TBX15: variants seen among roughly 807,000 people sequenced by gnomAD.
The protein encoded by TBX15 is T-box transcription factor 15.
A neutral mutation model predicts 53.9 loss-of-function variants in TBX15; 18 were observed. That is an observed-to-expected ratio of 0.33 (90% CI 0.23 to 0.49). The LOEUF (loss-of-function observed/expected upper bound fraction) is 0.49. TBX15 is among the 20% of genes least tolerant of loss of function. The pLI is 0.98. For missense variants in TBX15, 692 were observed against 749.5 expected, an observed-to-expected ratio of 0.92 and a Z score of 0.90; for synonymous variants, 295 against 278.0, an observed-to-expected ratio of 1.06 and a Z score of -0.61.
At chr1:118,983,693 G>C (rs1317073098) in intron 1 of TBX15, among the ~76,000 whole-genome samples, 1 of 152,158 alleles carries the variant, frequency 6.6e-6, no homozygotes, top group Admixed American at 6.5e-5. Context: ...GGCACCTCCA[G>C]GCCAGCACCA....
At chr1:118,988,971 G>A (rs1363654374), upstream of TBX15, among the ~76,000 whole-genome samples, 1 of 152,216 alleles carries the variant, frequency 6.6e-6, no homozygotes, top group African/African-American at 2.4e-5. Flanking sequence ...GGAGACACAG[G>A]CGCCTTGAGA....
At chr1:118,908,310 C>A (rs10923696) in intron 6 of TBX15, among the ~76,000 whole-genome samples, 20,218 of 150,806 alleles carry the variant, frequency 0.13, 1,541 homozygotes, top group Middle Eastern at 0.29. Flanking sequence ...GCAATAGGTA[C>A]AGTCCCAGTC....
chr1:118,960,818 AG>A (rs1656847048), intron 1 of TBX15, among the ~76,000 whole-genome samples: 1 of 152,098 alleles, frequency 6.6e-6, no homozygotes, highest in Non-Finnish European at 1.5e-5. Context: ...TGAAGGGAGG[AG>A]GGAGGGCAGA....
chr1:118,894,956 G>A (rs765230512), intron 7 of TBX15, among the ~76,000 whole-genome samples: 16 of 152,106 alleles, frequency 1.1e-4, no homozygotes, highest in Non-Finnish European at 2.1e-4. Context: ...TAAGCCATAC[G>A]TATGGGCATT....
Position 118,883,789 on chromosome 1 carries a change from G to T in TBX15, c.*943C>A, listed in dbSNP as rs1571140224. On this transcript the variant is annotated 3_prime_UTR_variant, in exon 8 of 8. Coordinates refer to ENST00000369429, the MANE Select transcript of TBX15 (RefSeq NM_001330677.2). ...CTGACCATGCTCAGTGTGCCAGAGA[G>T]GTTTACTCCTCAGTAATGCCATGAT... 2 of 150,796 alleles carry T rather than the reference G, an allele frequency of 1.3e-5. 1 individual carries two copies. Among genetic ancestry groups the T allele is most frequent in the East Asian group, 4.0e-4 (2 of 5,014 alleles). The allele number at this position is 150,796 out of a possible 1,614,324, so 9.3% of individuals were successfully genotyped here.
intron 6 of TBX15, chr1:118,901,461 A>C (rs904770462): frequency 1.3e-5 from 6 of 454,892 alleles, no homozygotes; most frequent in South Asian, 4.7e-5. Context: ...ACTTTGGGGG[A>C]CATATTCAAA....
Position 118,960,261 on chromosome 1 carries a change from A to C in TBX15, c.205+27330T>G, listed in dbSNP as rs1656824887. Among the ~76,000 whole-genome samples the C allele has an allele frequency of 2.0e-5, 3 of 152,216 alleles. No homozygotes were observed. In the South Asian group the frequency reaches 6.2e-4, roughly 32 times the overall value. On this transcript the variant is annotated intron_variant, in intron 1 of 7. Coordinates refer to ENST00000369429, the MANE Select transcript of TBX15 (RefSeq NM_001330677.2). ...AACTAAGTACATCCGCTAGGCTTGC[A>C]CTGGAAAACTTGCCACCTTCCGCCC...
In TBX15 at chr1:118,894,885, G is replaced by A. The variant is rs12024985; in HGVS notation, c.1024+4143C>T. ...AGGAGCTCTTCATGATTATAGTGCA[G>A]AATTAGGATATTGCTCTCCTATAGC... On this transcript the variant is annotated intron_variant, in intron 7 of 7. Coordinates refer to ENST00000369429, the MANE Select transcript of TBX15 (RefSeq NM_001330677.2). Among the ~76,000 whole-genome samples, 229 of 152,192 alleles carry A rather than the reference G, an allele frequency of 1.5e-3. 2 individuals carry two copies. The highest frequency in any genetic ancestry group is 0.014 in the East Asian group (72 of 5,180).
intron 1 of TBX15, among the ~76,000 whole-genome samples, chr1:118,972,593 T>C (rs1385717228): frequency 6.6e-6 from 1 of 152,090 alleles, no homozygotes; most frequent in Non-Finnish European, 1.5e-5. Context: ...AAATGGTTTC[T>C]TTTCCTTTCT....
intron 1 of TBX15, among the ~76,000 whole-genome samples, chr1:118,960,568 G>A (rs929959829): frequency 6.6e-6 from 1 of 152,202 alleles, no homozygotes; most frequent in African/African-American, 2.4e-5. Context: ...ACACAATTGA[G>A]CGACCAGGAG....
chr1:118,943,039 T>C (rs1290447275), intron 1 of TBX15, among the ~76,000 whole-genome samples: 1 of 152,216 alleles, frequency 6.6e-6, no homozygotes, highest in Non-Finnish European at 1.5e-5. Flanking sequence ...ACCCAGATTA[T>C]GACTGGGAAA....
At chr1:118,904,835 AC>A (rs1654758010) in intron 6 of TBX15, among the ~76,000 whole-genome samples, 1 of 152,218 alleles carries the variant, frequency 6.6e-6, no homozygotes, top group African/African-American at 2.4e-5. Context: ...GGTTAAGAGC[AC>A]AGGCTCTGGG....
At chr1:118,894,313 T>G (rs1270249749) in intron 7 of TBX15, among the ~76,000 whole-genome samples, 3 of 152,198 alleles carry the variant, frequency 2.0e-5, no homozygotes, top group African/African-American at 7.2e-5. Context: ...CTAAGCACTT[T>G]ACATTCATTA....
intron 1 of TBX15, among the ~76,000 whole-genome samples, chr1:118,970,135 C>T (rs1657182821): frequency 1.3e-5 from 2 of 152,224 alleles, no homozygotes; most frequent in African/African-American, 4.8e-5. Context: ...GCTTCCCCAG[C>T]CATGCCTACT....
intron 1 of TBX15, among the ~76,000 whole-genome samples, chr1:118,941,381 G>A (rs750318697): frequency 4.6e-5 from 7 of 152,190 alleles, no homozygotes; most frequent in African/African-American, 9.6e-5. Flanking sequence ...TATGACTTCT[G>A]GAGAGAGTGC....
At chr1:118,936,541 T>A (rs1655972673) in intron 1 of TBX15, among the ~76,000 whole-genome samples, 1 of 152,106 alleles carries the variant, frequency 6.6e-6, no homozygotes, top group East Asian at 1.9e-4. Context: ...GTATAAGATA[T>A]CTTTCTGCTA....
intron 1 of TBX15, among the ~76,000 whole-genome samples, chr1:118,965,938 T>C (rs1418697884): frequency 6.6e-6 from 1 of 152,210 alleles, no homozygotes; most frequent in East Asian, 1.9e-4. Flanking sequence ...TGTGGAATGA[T>C]GCAAAAGGAA....
intron 7 of TBX15, among the ~76,000 whole-genome samples, chr1:118,887,857 AGT>A (rs1262329442): frequency 6.6e-6 from 1 of 152,184 alleles, no homozygotes; most frequent in African/African-American, 2.4e-5. Context: ...CATAGGTAGT[AGT>A]GCTGGCTATA....
At chr1:118,952,229 T>G (rs1485666480) in intron 1 of TBX15, among the ~76,000 whole-genome samples, 1 of 152,222 alleles carries the variant, frequency 6.6e-6, no homozygotes, top group Non-Finnish European at 1.5e-5. Context: ...ATATAGTATA[T>G]AATACATGTA....
Sources: gnomAD v4.1 joint callset for allele counts (sites outside exome capture counted in the v4.1 genomes callset) on GRCh38, gnomAD v4.1.1 for gene constraint, MANE v1.5 for transcripts, NCBI Gene and HGNC (gene_info 2026-07-23, HGNC 2026-07-21) for gene names.